The following CSNK1G3 variants were observed in gnomAD, a reference collection of about 807,000 sequenced individuals.
The protein encoded by CSNK1G3 is casein kinase I isoform gamma-3.
Under a neutral mutation model 64.3 loss-of-function variants are expected in CSNK1G3, and 23 were observed. That is an observed-to-expected ratio of 0.36 (90% confidence interval 0.26 to 0.51). The LOEUF (loss-of-function observed/expected upper bound fraction) is 0.51, where lower values mean the gene tolerates loss of function less well. Ranked by LOEUF, CSNK1G3 falls within the 20% of genes least tolerant of loss-of-function variation. The pLI is 0.96. For missense variants in CSNK1G3, 357 were observed against 510.5 expected, an observed-to-expected ratio of 0.70 and a Z score of 2.90; for synonymous variants, 158 against 162.2, an observed-to-expected ratio of 0.97 and a Z score of 0.20.
intron 6 of CSNK1G3, among the ~76,000 whole-genome samples, chr5:123,583,442 C>A (rs1790719134): frequency 6.6e-6 from 1 of 151,496 alleles, no homozygotes; most frequent in African/African-American, 2.4e-5. Context: ...CTCACCACAA[C>A]CTCCGCCTCC....
intron 5 of CSNK1G3, 72 bp from the exon 6 acceptor site, chr5:123,575,657 T>C: frequency 2.4e-6 from 2 of 838,390 alleles, no homozygotes; most frequent in Non-Finnish European, 3.9e-6. Flanking sequence ...CATTCTGTCT[T>C]GCCTTTATCA....
intron 10 of CSNK1G3, among the ~76,000 whole-genome samples, chr5:123,596,668 A>T (rs1401314130): frequency 6.6e-6 from 1 of 152,112 alleles, no homozygotes; most frequent in Non-Finnish European, 1.5e-5. Flanking sequence ...ATGTTTGAAC[A>T]TTGCTCGTTT....
At chr5:123,529,358 T>G (rs573509003) in intron 1 of CSNK1G3, among the ~76,000 whole-genome samples, 41 of 152,324 alleles carry the variant, frequency 2.7e-4, no homozygotes, top group African/African-American at 9.4e-4. Flanking sequence ...AAAACATAAC[T>G]GCTAATAAAT....
rs999996150 is a variant in CSNK1G3 at position 123,585,115 on chromosome 5, A to C, written c.674-2953A>C. On this transcript the variant is annotated intron_variant, in intron 6 of 12. Coordinates refer to ENST00000345990, the Ensembl canonical transcript of CSNK1G3. ...TTTTGGGTGGTATTGATATGAAGGCAGATACAGATAAGTTGGTCAGAATAC... is the reference window on the plus strand; with the variant it reads ...TTTTGGGTGGTATTGATATGAAGGCCGATACAGATAAGTTGGTCAGAATAC... 5.3e-5 allele frequency among the ~76,000 whole-genome samples: 8 copies of C among 152,176 alleles called. No individual in the cohort carries two copies. In the East Asian group the frequency reaches 1.5e-3, roughly 29 times the overall value.
chr5:123,514,671 T>C (rs1413022713), intron 1 of CSNK1G3, among the ~76,000 whole-genome samples: 1 of 151,822 alleles, frequency 6.6e-6, no homozygotes, highest in African/African-American at 2.4e-5. Context: ...ACACTCCATC[T>C]GGGCCTTAAC....
chr5:123,522,933 T>A (rs1196241423), intron 1 of CSNK1G3, among the ~76,000 whole-genome samples: 2 of 152,188 alleles, frequency 1.3e-5, no homozygotes, highest in African/African-American at 4.8e-5. Flanking sequence ...CAAATATAAA[T>A]TAAGGCATCA....
chr5:123,574,221 T>A (rs1427655155), intron 5 of CSNK1G3, among the ~76,000 whole-genome samples: 1 of 151,838 alleles, frequency 6.6e-6, no homozygotes, highest in Non-Finnish European at 1.5e-5. Flanking sequence ...AATGAGAGAG[T>A]CTTGATAAAC....
chr5:123,515,646 GA>G (rs777109117), intron 1 of CSNK1G3, among the ~76,000 whole-genome samples: 4 of 150,220 alleles, frequency 2.7e-5, no homozygotes, highest in South Asian at 2.1e-4. Context: ...GGAGTGCTTA[GA>G]AAAAAAAATC....
intron 1 of CSNK1G3, among the ~76,000 whole-genome samples, chr5:123,521,912 A>T (rs1407599939): frequency 1.3e-5 from 2 of 152,166 alleles, no homozygotes; most frequent in African/African-American, 4.8e-5. Context: ...TATATTCCAT[A>T]AATAATCAGT....
intron 2 of CSNK1G3, among the ~76,000 whole-genome samples, chr5:123,546,409 C>G (rs994813887): frequency 4.6e-5 from 7 of 151,964 alleles, no homozygotes; most frequent in African/African-American, 1.5e-4. Context: ...TTGGGAAACA[C>G]TGGTCTAATT....
At chr5:123,517,416 T>A (rs967488649) in intron 1 of CSNK1G3, among the ~76,000 whole-genome samples, 1 of 152,012 alleles carries the variant, frequency 6.6e-6, no homozygotes, top group African/African-American at 2.4e-5. Flanking sequence ...ACTCTGAAGA[T>A]AAAAAGGCGT....
chr5:123,612,129 T>C (rs151125148), intron 12 of CSNK1G3, among the ~76,000 whole-genome samples: 116 of 152,350 alleles, frequency 7.6e-4, no homozygotes, highest in African/African-American at 2.6e-3. Flanking sequence ...GTAAAGTTGA[T>C]AAACATTCAT....
At chr5:123,562,953 A>G (rs1334235524) in intron 4 of CSNK1G3, among the ~76,000 whole-genome samples, 1 of 152,060 alleles carries the variant, frequency 6.6e-6, no homozygotes, top group Non-Finnish European at 1.5e-5. Flanking sequence ...ATGAAAATGC[A>G]TAGAACATAT....
chr5:123,600,399 G>C (rs1200825426), intron 10 of CSNK1G3, among the ~76,000 whole-genome samples: 4 of 151,986 alleles, frequency 2.6e-5, no homozygotes, highest in Admixed American at 2.6e-4. Context: ...GCTGAGGCGG[G>C]TGATCACTTG....
chr5:123,557,490 A>T lies in CSNK1G3; in HGVS notation c.220-5A>T, dbSNP rs753732759. 1 of 1,604,398 alleles carries T rather than the reference A, an allele frequency of 6.2e-7. No homozygotes were observed. Among genetic ancestry groups the T allele is most frequent in the African/African-American group, 1.3e-5 (1 of 74,576 alleles). Reference sequence around the variant, plus strand: ...AATGTCTTTTTTTGTTTGTTTTTCAATTAGGAGCCCATGAAATCAAGAGCA... The same window carrying T: ...AATGTCTTTTTTTGTTTGTTTTTCATTTAGGAGCCCATGAAATCAAGAGCA... On this transcript the variant is annotated splice_region_variant and splice_polypyrimidine_tract_variant and intron_variant, in intron 3 of 12. Transcript: ENST00000345990.
chr5:123,529,767 G>T (rs1004242813), intron 1 of CSNK1G3, among the ~76,000 whole-genome samples: 2 of 152,132 alleles, frequency 1.3e-5, no homozygotes, highest in African/African-American at 2.4e-5. Flanking sequence ...TTTGATTCCT[G>T]TCATTCTTAA....
intron 3 of CSNK1G3, among the ~76,000 whole-genome samples, chr5:123,557,228 A>G (rs981787492): frequency 1.3e-5 from 2 of 152,144 alleles, no homozygotes; most frequent in Non-Finnish European, 2.9e-5. Flanking sequence ...AATGTTCAGA[A>G]CATATTTTTC....
In CSNK1G3 at chr5:123,530,173, G is replaced by C. The variant is rs1273997342; in HGVS notation, c.-247-15244G>C. ...CTATGATAAAGGGTATTACAAATGG[G>C]AGTGTAAATTCACTTGTGAAATTGA... is the stretch of plus-strand genomic sequence containing the variant. On this transcript the variant is annotated intron_variant, in intron 1 of 12. Transcript: ENST00000345990. Among the ~76,000 whole-genome samples the C allele has an allele frequency of 2.6e-5, 4 of 152,044 alleles. No individual in the cohort carries two copies. The East Asian group carries it at 7.7e-4, about 29-fold the overall frequency.
intron 4 of CSNK1G3, among the ~76,000 whole-genome samples, chr5:123,567,085 C>T (rs1021262667): frequency 9.9e-5 from 15 of 152,210 alleles, no homozygotes; most frequent in Non-Finnish European, 1.9e-4. Flanking sequence ...GCACATCTCA[C>T]TGGCAGACAA....
Sources: allele counts gnomAD v4.1 joint callset (sites outside exome capture counted in the v4.1 genomes callset), GRCh38; gene constraint gnomAD v4.1.1; transcripts MANE v1.5; gene names NCBI Gene and HGNC (gene_info 2026-07-23, HGNC 2026-07-21).